Variants in FAM168A observed in about 807,000 individuals in gnomAD.
FAM168A encodes the protein protein FAM168A.
In FAM168A, 3 loss-of-function variants were observed where a neutral mutation model predicts 28.5. The ratio of observed to expected loss-of-function variants is 0.11; its 90% confidence interval spans 0.05 to 0.27. FAM168A has a LOEUF of 0.27. FAM168A is among the 10% of genes least tolerant of loss of function. The probability of loss-of-function intolerance (pLI) is 1.00; values close to 1 mark genes in which losing one functional copy is unlikely to be tolerated. For missense variants in FAM168A, 222 were observed against 311.5 expected, an observed-to-expected ratio of 0.71 and a Z score of 2.16; for synonymous variants, 122 against 124.2, an observed-to-expected ratio of 0.98 and a Z score of 0.12.
chr11:73,508,838 A>C (rs1197528693), intron 1 of FAM168A, among the ~76,000 whole-genome samples: 2 of 152,194 alleles, frequency 1.3e-5, no homozygotes, highest in East Asian at 3.8e-4. Context: ...GTGTAATATG[A>C]TCACCAATGG....
intron 1 of FAM168A, among the ~76,000 whole-genome samples, chr11:73,528,929 A>G (rs1195182855): frequency 6.6e-6 from 1 of 152,178 alleles, no homozygotes. Flanking sequence ...AACCTGCCAG[A>G]GCAAGAAAAG....
intron 1 of FAM168A, among the ~76,000 whole-genome samples, chr11:73,483,918 G>C (rs2134597319): frequency 6.6e-6 from 1 of 152,310 alleles, no homozygotes; most frequent in South Asian, 2.1e-4. Context: ...AGGCAGTAAG[G>C]AATGAAGATT....
At chr11:73,417,372 A>C (rs1032111210) in intron 4 of FAM168A, among the ~76,000 whole-genome samples, 1 of 152,226 alleles carries the variant, frequency 6.6e-6, no homozygotes, top group African/African-American at 2.4e-5. Context: ...AATTCAATGC[A>C]GCTTCCACTC....
chr11:73,425,038 G>A, intron 3 of FAM168A: 1 of 1,530,886 alleles, frequency 6.5e-7, no homozygotes, highest in South Asian at 1.2e-5. Flanking sequence ...CTGAATGCAG[G>A]AACTGAAACT....
chr11:73,558,166 G>T (rs1410963839), intron 1 of FAM168A, among the ~76,000 whole-genome samples: 1 of 152,060 alleles, frequency 6.6e-6, no homozygotes, highest in Non-Finnish European at 1.5e-5. Context: ...TAAAATTTTT[G>T]TGCATCAAAC....
At chr11:73,506,053 C>T (rs1049441580) in intron 1 of FAM168A, among the ~76,000 whole-genome samples, 1 of 152,172 alleles carries the variant, frequency 6.6e-6, no homozygotes, top group Non-Finnish European at 1.5e-5. Context: ...CTCACACGCA[C>T]TCTCTCTCAC....
chr11:73,488,147 T>TTTTTA (rs1868079082), intron 1 of FAM168A, among the ~76,000 whole-genome samples: 1 of 152,110 alleles, frequency 6.6e-6, no homozygotes. Flanking sequence ...TTTTTTTCTT[T>TTTTTA]TTAGACGAAG....
chr11:73,573,560 G>A (rs1228526825), intron 1 of FAM168A, among the ~76,000 whole-genome samples: 2 of 152,048 alleles, frequency 1.3e-5, no homozygotes, highest in African/African-American at 4.8e-5. Flanking sequence ...CTTTTCTTCT[G>A]CTGTCCCCAA....
At chr11:73,565,072 T>C (rs576667010) in intron 1 of FAM168A, among the ~76,000 whole-genome samples, 1 of 152,180 alleles carries the variant, frequency 6.6e-6, no homozygotes, top group East Asian at 1.9e-4. Context: ...GGGAAGTGAC[T>C]GCCACAGAAG....
intron 2 of FAM168A, among the ~76,000 whole-genome samples, chr11:73,457,214 C>T (rs1319392940): frequency 4.8e-5 from 7 of 145,234 alleles, no homozygotes; most frequent in African/African-American, 2.0e-4. Flanking sequence ...AGAGAGAGAT[C>T]CCTTCTTTAA....
At chr11:73,477,548 T>C (rs998009119) in intron 1 of FAM168A, among the ~76,000 whole-genome samples, 2 of 152,020 alleles carry the variant, frequency 1.3e-5, no homozygotes, top group Admixed American at 6.6e-5. Context: ...GGACACAATA[T>C]AGTAAAACTT....
At chr11:73,543,262 C>CTTTTTTTTTTT (rs58715872) in intron 1 of FAM168A, among the ~76,000 whole-genome samples, 2 of 111,888 alleles carry the variant, frequency 1.8e-5, no homozygotes, top group Non-Finnish European at 3.6e-5. Flanking sequence ...ATTAATTGTT[C>CTTTTTTTTTTT]TTTTTTTTTT....
At chr11:73,406,858 AGTT>A (rs1459329988) in intron 7 of FAM168A, 114 bp from the exon 8 acceptor site, 4 of 152,504 alleles carry the variant, frequency 2.6e-5, no homozygotes, top group South Asian at 2.1e-4. Context: ...CGCCTGTGGA[AGTT>A]GTTGTGCTCT....
At chr11:73,512,496 C>T (rs1339756800) in intron 1 of FAM168A, among the ~76,000 whole-genome samples, 1 of 151,902 alleles carries the variant, frequency 6.6e-6, no homozygotes, top group Non-Finnish European at 1.5e-5. Flanking sequence ...GATATTTGCA[C>T]AAGTCTGTGA....
chr11:73,542,692 A>G (rs1397836132), intron 1 of FAM168A, among the ~76,000 whole-genome samples: 1 of 152,200 alleles, frequency 6.6e-6, no homozygotes, highest in African/African-American at 2.4e-5. Flanking sequence ...AGAGTAAAAT[A>G]CAAGGTCATT....
intron 1 of FAM168A, among the ~76,000 whole-genome samples, chr11:73,477,244 C>T (rs993786400): frequency 6.6e-6 from 1 of 150,864 alleles, no homozygotes; most frequent in Non-Finnish European, 1.5e-5. Context: ...GGGTGAAAGT[C>T]AAAAAAAAGT....
intron 3 of FAM168A, 43 bp downstream of exon 3, chr11:73,430,647 C>A: frequency 1.9e-6 from 3 of 1,562,528 alleles, no homozygotes; most frequent in Non-Finnish European, 2.6e-6. Flanking sequence ...ATAGAGTCCC[C>A]CTTCCCACTC....
intron 1 of FAM168A, among the ~76,000 whole-genome samples, chr11:73,574,261 A>G (rs564026525): frequency 6.6e-6 from 1 of 152,344 alleles, no homozygotes; most frequent in Admixed American, 6.5e-5. Flanking sequence ...TTCACAACAG[A>G]TGGGAAAGTT....
intron 1 of FAM168A, among the ~76,000 whole-genome samples, chr11:73,566,002 C>G (rs943864712): frequency 1.3e-5 from 2 of 152,144 alleles, no homozygotes; most frequent in Admixed American, 6.5e-5. Flanking sequence ...TTCCCAAAGA[C>G]ACTTAAGTTT....
Sources: allele counts gnomAD v4.1 joint callset (sites outside exome capture counted in the v4.1 genomes callset), GRCh38; gene constraint gnomAD v4.1.1; transcripts MANE v1.5; gene names NCBI Gene and HGNC (gene_info 2026-07-23, HGNC 2026-07-21).